ADGRB3: variants seen among roughly 807,000 people sequenced by gnomAD.
ADGRB3 encodes the protein adhesion G protein-coupled receptor B3.
ADGRB3 carries 37 observed loss-of-function variants against 193.4 expected under a neutral mutation model. That is an observed-to-expected ratio of 0.19 (90% CI 0.15 to 0.25). The LOEUF is 0.25. Ranked by LOEUF, ADGRB3 falls within the 10% of genes least tolerant of loss-of-function variation. The pLI is 1.00. For missense variants in ADGRB3, 1,637 were observed against 1,852.9 expected, an observed-to-expected ratio of 0.88 and a Z score of 2.14; for synonymous variants, 690 against 644.2, an observed-to-expected ratio of 1.07 and a Z score of -1.08.
rs549894980 is a variant in ADGRB3 at position 68,924,006 on chromosome 6, A to T, written c.758-6553A>T. 2.8e-4 allele frequency among the ~76,000 whole-genome samples: 42 copies of T among 152,200 alleles called. No individual in the cohort carries two copies. In the South Asian group the frequency reaches 8.7e-3, roughly 32 times the overall value. ...ATCTTATTTTGCCACTGGTATGCTAATGTGCTAAATTAAGGTCTGAAACAA... is the reference window on the plus strand; with the variant it reads ...ATCTTATTTTGCCACTGGTATGCTATTGTGCTAAATTAAGGTCTGAAACAA... On this transcript the variant is annotated intron_variant, in intron 3 of 31. Transcript: ENST00000370598.
At chr6:69,130,297 A>G (rs906890441) in intron 17 of ADGRB3, among the ~76,000 whole-genome samples, 25 of 152,002 alleles carry the variant, frequency 1.6e-4, no homozygotes, top group African/African-American at 6.0e-4. Flanking sequence ...CACGGTGGCC[A>G]TTAGGATTTT....
intron 17 of ADGRB3, among the ~76,000 whole-genome samples, chr6:69,179,427 T>C (rs976779801): frequency 5.3e-5 from 8 of 152,218 alleles, no homozygotes; most frequent in African/African-American, 1.2e-4. Flanking sequence ...AACCTTGTCT[T>C]GGATCTCATT....
In ADGRB3 at chr6:69,060,369, C is replaced by A. The variant is rs557018452; in HGVS notation, c.2334-2565C>A. 2.0e-4 allele frequency among the ~76,000 whole-genome samples: 30 copies of A among 152,018 alleles called. No homozygotes were observed. In the South Asian group the frequency reaches 6.0e-3, roughly 31 times the overall value. On this transcript the variant is annotated intron_variant, in intron 15 of 31. Transcript: ENST00000370598. ...ACCTAACACAGTGTAATATACCCTG[C>A]AGAAGGCAACTTATTGTAGCTACTT...
chr6:69,225,528 C>A (rs921196198), intron 17 of ADGRB3, among the ~76,000 whole-genome samples: 3 of 152,170 alleles, frequency 2.0e-5, no homozygotes, highest in Non-Finnish European at 4.4e-5. Flanking sequence ...ATTCCTGGCA[C>A]AACCCTTTAC....
chr6:69,311,348 A>G (rs1314439456), intron 20 of ADGRB3, among the ~76,000 whole-genome samples: 1 of 151,770 alleles, frequency 6.6e-6, no homozygotes, highest in African/African-American at 2.4e-5. Flanking sequence ...GTATCGTTGC[A>G]GAGGACTGGA....
chr6:69,139,551 CTT>C (rs1298772021), intron 17 of ADGRB3, among the ~76,000 whole-genome samples: 6 of 152,104 alleles, frequency 3.9e-5, no homozygotes, highest in East Asian at 1.9e-4. Flanking sequence ...TATACATAAA[CTT>C]ATATATAGAA....
intron 3 of ADGRB3, among the ~76,000 whole-genome samples, chr6:68,815,625 G>GTGTGTGT (rs1554199229): frequency 3.4e-5 from 5 of 147,098 alleles, no homozygotes; most frequent in Admixed American, 1.4e-4. Context: ...GTGTGTGTGT[G>GTGTGTGT]TGTGTGTGTG....
intron 17 of ADGRB3, among the ~76,000 whole-genome samples, chr6:69,213,367 G>C (rs1038540251): frequency 1.3e-5 from 2 of 152,216 alleles, no homozygotes; most frequent in Admixed American, 1.3e-4. Context: ...AGAGAAAACT[G>C]GTATGTGCAT....
At chr6:68,950,568 G>T (rs1348903529) in intron 6 of ADGRB3, among the ~76,000 whole-genome samples, 2 of 151,978 alleles carry the variant, frequency 1.3e-5, no homozygotes, top group Admixed American at 6.6e-5. Flanking sequence ...TGATTTAAGG[G>T]CTATAGACAC....
intron 3 of ADGRB3, among the ~76,000 whole-genome samples, chr6:68,815,275 G>T (rs1431506000): frequency 6.6e-6 from 1 of 152,026 alleles, no homozygotes; most frequent in Admixed American, 6.6e-5. Flanking sequence ...CTTTTCCTTT[G>T]TTTATAGTAC....
At chr6:68,822,231 T>C (rs1475750466) in intron 3 of ADGRB3, among the ~76,000 whole-genome samples, 1 of 151,892 alleles carries the variant, frequency 6.6e-6, no homozygotes, top group Non-Finnish European at 1.5e-5. Flanking sequence ...AACAATTTAA[T>C]ATATAGCTTT....
In ADGRB3 at chr6:68,913,921, T is replaced by C. The variant is rs544526342; in HGVS notation, c.758-16638T>C. On this transcript the variant is annotated intron_variant, in intron 3 of 31. Coordinates refer to ENST00000370598, the MANE Select transcript of ADGRB3 (RefSeq NM_001704.3). The stretch of plus-strand genomic sequence containing the variant: ...GCAGAAGCCTCAGGAGCCGATGCGA[T>C]CAACTGGAAGAAAGGGTATCAGTGA... Among the ~76,000 whole-genome samples the C allele has an allele frequency of 9.2e-5, 14 of 151,626 alleles. No individual in the cohort carries two copies. The South Asian group carries it at 2.9e-3, about 32-fold the overall frequency.
At chr6:69,318,393 T>C (rs1355097668) in intron 20 of ADGRB3, among the ~76,000 whole-genome samples, 2 of 151,494 alleles carry the variant, frequency 1.3e-5, no homozygotes, top group African/African-American at 4.8e-5. Context: ...GAGGTCATTT[T>C]TGATGTTGAG....
At chr6:68,862,708 T>G (rs1765191093) in intron 3 of ADGRB3, among the ~76,000 whole-genome samples, 1 of 152,230 alleles carries the variant, frequency 6.6e-6, no homozygotes, top group African/African-American at 2.4e-5. Context: ...ATATGAGAGA[T>G]TGTTCATAAA....
At chr6:68,669,530 A>G (rs909683526) in intron 3 of ADGRB3, among the ~76,000 whole-genome samples, 3 of 151,790 alleles carry the variant, frequency 2.0e-5, no homozygotes, top group South Asian at 2.1e-4. Flanking sequence ...TTCACATAAC[A>G]TAATGATCTC....
chr6:69,242,646 T>C (rs1766409628), intron 20 of ADGRB3, among the ~76,000 whole-genome samples: 1 of 152,006 alleles, frequency 6.6e-6, no homozygotes, highest in Non-Finnish European at 1.5e-5. Flanking sequence ...AAAATAAATG[T>C]ATTCAAATTT....
Position 69,242,626 on chromosome 6 carries a change from T to G in ADGRB3, c.2814+3400T>G, listed in dbSNP as rs369120080. Among the ~76,000 whole-genome samples the G allele has an allele frequency of 1.9e-4, 29 of 152,096 alleles. 1 individual carries two copies. The East Asian group carries it at 3.5e-3, about 18-fold the overall frequency. ...TTGAAATGTAAACAAGCTGAAATAA[T>G]CCATTGCATAAAATAAATGTATTCA... On this transcript the variant is annotated intron_variant, in intron 20 of 31. Coordinates refer to ENST00000370598, the MANE Select transcript of ADGRB3 (RefSeq NM_001704.3).
At chr6:69,327,718 T>C (rs1768610108) in intron 21 of ADGRB3, 102 bp from the exon 22 acceptor site, 2 of 828,944 alleles carry the variant, frequency 2.4e-6, no homozygotes, top group Middle Eastern at 2.4e-4. Context: ...CCAAAGATAG[T>C]TTATCTAATT....
intron 3 of ADGRB3, among the ~76,000 whole-genome samples, chr6:68,908,828 A>G (rs1366980000): frequency 1.3e-5 from 2 of 152,154 alleles, no homozygotes; most frequent in East Asian, 1.9e-4. Context: ...CTGTATTTGT[A>G]GTTCACATGG....
Sources: allele counts gnomAD v4.1 joint callset (sites outside exome capture counted in the v4.1 genomes callset), GRCh38; gene constraint gnomAD v4.1.1; transcripts MANE v1.5; gene names NCBI Gene and HGNC (gene_info 2026-07-23, HGNC 2026-07-21).